MAPK14: variants seen among roughly 807,000 people sequenced by gnomAD.
MAPK14 encodes the protein mitogen-activated protein kinase 14.
In MAPK14, 16 loss-of-function variants were observed where a neutral mutation model predicts 49.6. That is an observed-to-expected ratio of 0.32 (90% confidence interval 0.22 to 0.49). The LOEUF (loss-of-function observed/expected upper bound fraction) is 0.49, where lower values mean the gene tolerates loss of function less well. MAPK14 is among the 20% of genes least tolerant of loss of function. The pLI is 0.99. For synonymous variants in MAPK14, 142 were observed against 158.0 expected, an observed-to-expected ratio of 0.90 and a Z score of 0.76; for missense variants, 200 against 441.2, an observed-to-expected ratio of 0.45 and a Z score of 4.90.
At chr6:36,123,350 AAGGATGAGGCCTCT>A in the MAPK14 span, among the ~76,000 whole-genome samples, 1 of 152,206 alleles carries the variant, frequency 6.6e-6, no homozygotes, top group South Asian at 2.1e-4. Context: ...GGGGCCCCAC[AAGGATGAGGCCTCT>A]AGGCCTTCCC....
chr6:36,050,463 G>A (rs1340227312), intron 1 of MAPK14, among the ~76,000 whole-genome samples: 1 of 152,206 alleles, frequency 6.6e-6, no homozygotes, highest in Non-Finnish European at 1.5e-5. Context: ...TCTAGAATGT[G>A]ACCATGAAGA....
intron 1 of MAPK14, among the ~76,000 whole-genome samples, chr6:36,039,385 T>C (rs573048972): frequency 1.3e-5 from 2 of 152,346 alleles, no homozygotes; most frequent in East Asian, 3.9e-4. Context: ...TATTTGAATA[T>C]GTGGTTACAA....
chr6:36,112,755 G>GT (rs1276219474), downstream of MAPK14, among the ~76,000 whole-genome samples: 1 of 152,140 alleles, frequency 6.6e-6, no homozygotes, highest in African/African-American at 2.4e-5. Context: ...TTTGCTTAAG[G>GT]TTTGAGCAGT....
intron 6 of MAPK14, 143 bp from the exon 7 acceptor site, chr6:36,075,705 C>A: frequency 9.3e-7 from 1 of 1,076,182 alleles, no homozygotes; most frequent in Non-Finnish European, 1.4e-6. Context: ...TAAGTATGGA[C>A]CAGGAAATCT....
rs1765960899 is a variant in MAPK14, at chr6:36,111,066, G to C, written c.*2619G>C. The C allele has an allele frequency of 1.3e-5, 2 of 152,152 alleles. No individual in the cohort carries two copies. The highest frequency in any genetic ancestry group is 6.5e-5 in the Admixed American group (1 of 15,274). The allele number at this position is 152,152 out of a possible 1,614,324, so 9.4% of individuals were successfully genotyped here. On this transcript the variant is annotated 3_prime_UTR_variant, in exon 12 of 12. Transcript: ENST00000229794. ...GACAGGGCTCAGCAGACTGTGGCCTGAGGGCCAAATCTGGCCCACCACCTG... is the reference window on the plus strand; with the variant it reads ...GACAGGGCTCAGCAGACTGTGGCCTCAGGGCCAAATCTGGCCCACCACCTG...
chr6:36,107,834 A>C lies in MAPK14; in HGVS notation c.1015+206A>C, dbSNP rs1378123393. On this transcript the variant is annotated intron_variant, in intron 11 of 11. Transcript: ENST00000229794. The surrounding 1 kb of genome is among the most constrained non-coding windows in gnomAD (Gnocchi z 4.3). ...TTATGTCTGGTCTGATTTTATGCACAGCCCCTCACATAGGAGTTTTGCATG... is the reference window on the plus strand; with the variant it reads ...TTATGTCTGGTCTGATTTTATGCACCGCCCCTCACATAGGAGTTTTGCATG... Among the ~76,000 whole-genome samples the C allele has an allele frequency of 6.6e-6, 1 of 152,272 alleles. No individual in the cohort carries two copies. Among genetic ancestry groups the C allele is most frequent in the African/African-American group, 2.4e-5 (1 of 41,472 alleles).
chr6:36,042,513 C>A (rs1228997058), intron 1 of MAPK14, among the ~76,000 whole-genome samples: 1 of 116,630 alleles, frequency 8.6e-6, no homozygotes, highest in Admixed American at 1.0e-4. Flanking sequence ...GGTTGGGGGA[C>A]AGGGTTTTGC....
At chr6:36,093,981 T>A (rs942794930) in intron 8 of MAPK14, among the ~76,000 whole-genome samples, 1 of 152,316 alleles carries the variant, frequency 6.6e-6, no homozygotes, top group African/African-American at 2.4e-5. Flanking sequence ...AATTGAGTCA[T>A]TTTAGATGAG....
In MAPK14 at chr6:36,075,840, C is replaced by A. The variant is rs1375441761; in HGVS notation, c.496-8C>A. ...TAGCAGTTTGTCTGTTCCTCTTCTG[C>A]CCTTTAGATTCTGGATTTTGGACTG... On this transcript the variant is annotated splice_region_variant and splice_polypyrimidine_tract_variant and intron_variant, in intron 6 of 11. Coordinates refer to ENST00000229794, the MANE Select transcript of MAPK14 (RefSeq NM_139012.3). 6.2e-7 allele frequency: 1 copy of A among 1,613,460 alleles called. No individual in the cohort carries two copies. Among genetic ancestry groups the A allele is most frequent in the Non-Finnish European group, 8.5e-7 (1 of 1,179,954 alleles).
At chr6:36,039,708 G>T (rs950649010) in intron 1 of MAPK14, among the ~76,000 whole-genome samples, 1 of 152,034 alleles carries the variant, frequency 6.6e-6, no homozygotes, top group Admixed American at 6.6e-5. Flanking sequence ...CCCTCCTTTC[G>T]AAAGTATCAG....
At chr6:36,048,764 T>G (rs1323228192) in intron 1 of MAPK14, among the ~76,000 whole-genome samples, 1 of 152,220 alleles carries the variant, frequency 6.6e-6, no homozygotes, top group East Asian at 1.9e-4. Flanking sequence ...GTTTTGAACT[T>G]GGTACGCTTC....
At chr6:36,079,714 A>G (rs1764672702) in intron 8 of MAPK14, among the ~76,000 whole-genome samples, 1 of 152,178 alleles carries the variant, frequency 6.6e-6, no homozygotes, top group African/African-American at 2.4e-5. Context: ...GCTTGTAAGT[A>G]AGAACTGTGT....
At chr6:36,093,494 C>T (rs1165515814) in intron 8 of MAPK14, among the ~76,000 whole-genome samples, 17 of 151,948 alleles carry the variant, frequency 1.1e-4, no homozygotes, top group East Asian at 9.7e-4. Flanking sequence ...CCGAGGCAGG[C>T]GGATCATGAG....
At position 36,107,399 on chromosome 6, in the gene MAPK14, A is replaced by G. The variant is rs900559341; in HGVS notation, c.842-56A>G. Reference sequence around the variant, plus strand: ...CAAAACTATGTTTGCTCAATAAGGCATACTTTTTTGTAACATGTTAAAAAC... The same window carrying G: ...CAAAACTATGTTTGCTCAATAAGGCGTACTTTTTTGTAACATGTTAAAAAC... On this transcript the variant is annotated intron_variant, in intron 10 of 11. Coordinates refer to ENST00000229794, the MANE Select transcript of MAPK14 (RefSeq NM_139012.3). The surrounding 1 kb of genome is among the most constrained non-coding windows in gnomAD (Gnocchi z 4.3). 3.8e-6 allele frequency: 5 copies of G among 1,306,770 alleles called. No individual in the cohort carries two copies. The African/African-American group carries it at 5.9e-5, about 15-fold the overall frequency. 80.9% of individuals were successfully genotyped at this position (1,306,770 alleles called of 1,614,324 possible).
At chr6:36,077,053 GCTTA>G (rs1764559301) in intron 8 of MAPK14, among the ~76,000 whole-genome samples, 1 of 152,152 alleles carries the variant, frequency 6.6e-6, no homozygotes, top group Non-Finnish European at 1.5e-5. Context: ...GTGATATACT[GCTTA>G]CTTGTTATGT....
chr6:36,085,686 C>CA (rs1241739437), intron 8 of MAPK14, among the ~76,000 whole-genome samples: 1 of 152,158 alleles, frequency 6.6e-6, no homozygotes, highest in African/African-American at 2.4e-5. Context: ...TAGAGACCTA[C>CA]ACAGAGACTT....
chr6:36,120,683 C>T, the MAPK14 span, among the ~76,000 whole-genome samples: 2 of 152,224 alleles, frequency 1.3e-5, no homozygotes, highest in African/African-American at 4.8e-5. Context: ...ACTTTGGCAG[C>T]ATTGCCAAAT....
chr6:36,092,573 T>A, intron 8 of MAPK14: 1 of 475,196 alleles, frequency 2.1e-6, no homozygotes, highest in South Asian at 1.7e-5. Flanking sequence ...TGACCCATTT[T>A]CCTTCTGAAA....
chr6:36,104,578 G>A (rs1478772026), intron 10 of MAPK14, among the ~76,000 whole-genome samples: 3 of 152,010 alleles, frequency 2.0e-5, no homozygotes, highest in East Asian at 1.9e-4. Flanking sequence ...TAGTAAAGAC[G>A]GGGTTTCACC....
Sources: allele counts gnomAD v4.1 joint callset (sites outside exome capture counted in the v4.1 genomes callset), GRCh38; gene constraint gnomAD v4.1.1; non-coding constraint Gnocchi (gnomAD v3.1); transcripts MANE v1.5; gene names NCBI Gene and HGNC (gene_info 2026-07-23, HGNC 2026-07-21).